VIT: variants seen among roughly 807,000 people sequenced by gnomAD.
The protein encoded by VIT is vitrin.
A neutral mutation model predicts 78.0 loss-of-function variants in VIT; 99 were observed. The ratio of observed to expected loss-of-function variants is 1.27; its 90% CI spans 1.08 to 1.50. The LOEUF (loss-of-function observed/expected upper bound fraction) is 1.50. Ranked by LOEUF, VIT falls within the 40% of genes most tolerant of loss-of-function variation. VIT has a pLI of 0.00. For missense variants in VIT, 1,126 were observed against 875.3 expected, an observed-to-expected ratio of 1.29 and a Z score of -3.61; for synonymous variants, 374 against 334.3, an observed-to-expected ratio of 1.12 and a Z score of -1.29.
At chr2:36,796,974 A>C (rs980768298) in intron 12 of VIT, among the ~76,000 whole-genome samples, 1 of 152,224 alleles carries the variant, frequency 6.6e-6, no homozygotes, top group Non-Finnish European at 1.5e-5. Flanking sequence ...AATGTTTTAC[A>C]TTATAACTAA....
chr2:36,776,896 C>T (rs10195325), intron 9 of VIT, among the ~76,000 whole-genome samples: 124,108 of 148,032 alleles, frequency 0.84, 52,785 homozygotes, highest in Non-Finnish European at 0.92. Context: ...GAGACCATCC[C>T]GGCTAACACG....
intron 9 of VIT, 29 bp downstream of exon 9, chr2:36,775,096 C>A (rs1040393277): frequency 6.2e-7 from 1 of 1,612,090 alleles, no homozygotes; most frequent in Non-Finnish European, 8.5e-7. Flanking sequence ...ACCATCTCTG[C>A]TCCCTAGGAA....
At chr2:36,806,704 G>A (rs1038240977) in intron 14 of VIT, among the ~76,000 whole-genome samples, 4 of 151,950 alleles carry the variant, frequency 2.6e-5, no homozygotes, top group African/African-American at 7.2e-5. Context: ...ACACCACCAC[G>A]CCCAGCTAGT....
rs139704094 is a variant in VIT at position 36,806,857 on chromosome 2, C to T, written c.1389+1193C>T. ...GGATTACAGGCGTGGGCCACTGCGC[C>T]CGGCCCTACCTTCATCTCTTGAGCT... On this transcript the variant is annotated intron_variant, in intron 14 of 15. Transcript: ENST00000379242. Among the ~76,000 whole-genome samples the T allele has an allele frequency of 4.3e-3, 661 of 152,296 alleles. 8 individuals carry two copies. The highest frequency in any genetic ancestry group is 0.015 in the African/African-American group (641 of 41,544).
chr2:36,745,165 C>T (rs903325114), intron 4 of VIT, among the ~76,000 whole-genome samples: 8 of 151,942 alleles, frequency 5.3e-5, no homozygotes, highest in South Asian at 2.1e-4. Flanking sequence ...TATTCTTTTC[C>T]GTCGTCTACA....
rs113639986 is a variant in VIT, at chr2:36,720,984, C to T, written c.52+4562C>T. On this transcript the variant is annotated intron_variant, in intron 2 of 15. Coordinates refer to ENST00000379242, the MANE Select transcript of VIT (RefSeq NM_053276.4). ...GAGATTGCGCCTTTACACTCCAGCC[C>T]GGGCAACAACAGCGAGACTCCATCT... 3.4e-3 allele frequency among the ~76,000 whole-genome samples: 512 copies of T among 151,044 alleles called. 4 individuals are homozygous for T. Among genetic ancestry groups the T allele is most frequent in the African/African-American group, 0.011 (437 of 41,058 alleles).
chr2:36,789,726 C>T (rs1172584366), intron 12 of VIT, among the ~76,000 whole-genome samples: 3 of 152,150 alleles, frequency 2.0e-5, no homozygotes, highest in Non-Finnish European at 4.4e-5. Context: ...CCTCTTTGCT[C>T]CCCCTTAAAA....
At chr2:36,811,716 A>G (rs1667185561) in intron 15 of VIT, among the ~76,000 whole-genome samples, 2 of 145,162 alleles carry the variant, frequency 1.4e-5, no homozygotes, top group Admixed American at 7.1e-5. Flanking sequence ...CTGGTTGCCC[A>G]GGCTGGAGTG....
At position 36,725,852 on chromosome 2, in the gene VIT, G is replaced by T. The variant is rs770613526; in HGVS notation, c.53-3574G>T. Among the ~76,000 whole-genome samples the T allele has an allele frequency of 4.8e-4, 73 of 151,950 alleles. 2 individuals are homozygous for T. The highest frequency in any genetic ancestry group is 3.9e-3 in the Admixed American group (60 of 15,252). On this transcript the variant is annotated intron_variant, in intron 2 of 15. Transcript: ENST00000379242. ...TTTGAGAGGCCGGGGCAGGAGGATCGCCTGAGGTCAGGAGTTCAAGACCAG... is the reference window on the plus strand; with the variant it reads ...TTTGAGAGGCCGGGGCAGGAGGATCTCCTGAGGTCAGGAGTTCAAGACCAG...
In VIT at chr2:36,814,319, C is replaced by G; in HGVS notation, c.2040C>G (p.Ile680Met). 6.2e-7 allele frequency: 1 copy of G among 1,614,220 alleles called. No individual in the cohort carries two copies. Among genetic ancestry groups the G allele is most frequent in the Non-Finnish European group, 8.5e-7 (1 of 1,180,046 alleles). ...DNLHQYVPRI[I>M]QNICTEFNSQ... Reference sequence around the variant, plus strand: ...TCCATCAGTATGTCCCCAGGATCATCCAGAACATTTGTACAGAGTTCAACT... The same window carrying G: ...TCCATCAGTATGTCCCCAGGATCATGCAGAACATTTGTACAGAGTTCAACT... Residue 680 changes from isoleucine (I) to methionine (M), a missense_variant, in exon 16 of 16, where the codon ATC becomes ATG. Ile to Met is a conservative substitution (Grantham distance 10, BLOSUM62 1). Coordinates refer to ENST00000379242, the MANE Select transcript of VIT (RefSeq NM_053276.4).
At chr2:36,733,910 A>T (rs1274309667) in intron 3 of VIT, among the ~76,000 whole-genome samples, 1 of 152,242 alleles carries the variant, frequency 6.6e-6, no homozygotes. Flanking sequence ...GATACCTCAA[A>T]ATATATCTTA....
chr2:36,724,704 AC>A (rs1330419589), intron 2 of VIT, among the ~76,000 whole-genome samples: 7 of 152,120 alleles, frequency 4.6e-5, no homozygotes, highest in Non-Finnish European at 8.8e-5. Flanking sequence ...GTTCAACTGA[AC>A]CCAGCTATGC....
intron 1 of VIT, among the ~76,000 whole-genome samples, chr2:36,704,152 C>T (rs1378524566): frequency 1.3e-5 from 2 of 151,982 alleles, no homozygotes; most frequent in African/African-American, 4.8e-5. Context: ...TCTCGAAGTC[C>T]TGACCTCAGG....
intron 4 of VIT, among the ~76,000 whole-genome samples, chr2:36,754,694 C>A (rs958546425): frequency 3.3e-5 from 5 of 152,168 alleles, no homozygotes; most frequent in Non-Finnish European, 7.3e-5. Context: ...ACAGAACAAT[C>A]AGCTCCTATA....
chr2:36,733,702 A>G (rs543185601), intron 3 of VIT, among the ~76,000 whole-genome samples: 1 of 152,234 alleles, frequency 6.6e-6, no homozygotes, highest in Non-Finnish European at 1.5e-5. Context: ...AGACAATTAC[A>G]ATTTCTCTTG....
chr2:36,747,250 G>C (rs1286129570), intron 4 of VIT, among the ~76,000 whole-genome samples: 1 of 152,156 alleles, frequency 6.6e-6, no homozygotes. Context: ...TGTTCTATGT[G>C]CAGATGAGAA....
At chr2:36,809,932 A>G (rs1667027946) in intron 15 of VIT, among the ~76,000 whole-genome samples, 1 of 144,710 alleles carries the variant, frequency 6.9e-6, no homozygotes, top group Non-Finnish European at 1.5e-5. Context: ...TGGAGGCTGC[A>G]GTGATCTATG....
intron 15 of VIT, among the ~76,000 whole-genome samples, chr2:36,813,123 C>T (rs1452002404): frequency 2.7e-5 from 4 of 148,552 alleles, no homozygotes; most frequent in African/African-American, 7.4e-5. Context: ...TACAGGCATG[C>T]GCCACCGCAC....
chr2:36,804,682 T>A lies in VIT; in HGVS notation c.1163-756T>A, dbSNP rs181019345. ...CCATCTCTACTAAAAATACAAAAATTAGCTGGGTGTGGTGGTGCGTGCCTG... is the reference window on the plus strand; with the variant it reads ...CCATCTCTACTAAAAATACAAAAATAAGCTGGGTGTGGTGGTGCGTGCCTG... On this transcript the variant is annotated intron_variant, in intron 13 of 15. Coordinates refer to ENST00000379242, the MANE Select transcript of VIT (RefSeq NM_053276.4). Among the ~76,000 whole-genome samples the A allele has an allele frequency of 2.9e-3, 436 of 152,058 alleles. 1 individual carries two copies. The highest frequency in any genetic ancestry group is 5.1e-3 in the Non-Finnish European group (345 of 67,974).
Sources: allele counts gnomAD v4.1 joint callset (sites outside exome capture counted in the v4.1 genomes callset), GRCh38; gene constraint gnomAD v4.1.1; transcripts MANE v1.5; gene names NCBI Gene and HGNC (gene_info 2026-07-23, HGNC 2026-07-21).